The following CAPZB variants were observed in gnomAD, a reference collection of about 807,000 sequenced individuals.
CAPZB encodes the protein F-actin-capping protein subunit beta.
CAPZB carries 2 observed loss-of-function variants against 38.1 expected under a neutral mutation model. That is an observed-to-expected ratio of 0.05 (90% confidence interval 0.02 to 0.17). The LOEUF (loss-of-function observed/expected upper bound fraction) is 0.17, where lower values mean the gene tolerates loss of function less well. Among genes scored for constraint, CAPZB ranks in the 10% least tolerant of loss-of-function variants. The probability of loss-of-function intolerance (pLI) is 1.00; values close to 1 mark genes in which losing one functional copy is unlikely to be tolerated. For missense variants in CAPZB, 161 were observed against 334.2 expected, an observed-to-expected ratio of 0.48 and a Z score of 4.04; for synonymous variants, 107 against 127.4, an observed-to-expected ratio of 0.84 and a Z score of 1.08.
chr1:19,429,443 T>C (rs1332060914), intron 1 of CAPZB, among the ~76,000 whole-genome samples: 1 of 152,196 alleles, frequency 6.6e-6, no homozygotes, highest in African/African-American at 2.4e-5. Context: ...AGAGATACGA[T>C]ATACTAATAA....
At chr1:19,461,595 A>G (rs2094552123) in intron 1 of CAPZB, among the ~76,000 whole-genome samples, 1 of 152,230 alleles carries the variant, frequency 6.6e-6, no homozygotes, top group South Asian at 2.1e-4. Flanking sequence ...TGCCCCCTTG[A>G]CTTGAGCACT....
chr1:19,342,907 A>G, intron 8 of CAPZB: 1 of 1,230,382 alleles, frequency 8.1e-7, no homozygotes, highest in Non-Finnish European at 1.2e-6. Flanking sequence ...AGGGAAGAGA[A>G]CGACGAGAAG....
intron 4 of CAPZB, among the ~76,000 whole-genome samples, chr1:19,375,154 T>C (rs865997639): frequency 1.3e-5 from 2 of 152,196 alleles, no homozygotes; most frequent in Non-Finnish European, 2.9e-5. Context: ...ATGAGCAATG[T>C]ACCACAATGT....
intron 1 of CAPZB, among the ~76,000 whole-genome samples, chr1:19,463,289 T>C (rs1034551128): frequency 1.3e-5 from 2 of 152,148 alleles, no homozygotes; most frequent in Admixed American, 6.5e-5. Context: ...AACACCTCAC[T>C]TGTGCCGCTC....
intron 1 of CAPZB, among the ~76,000 whole-genome samples, chr1:19,460,072 G>GA (rs937152797): frequency 2.7e-4 from 41 of 151,492 alleles, no homozygotes; most frequent in African/African-American, 8.2e-4. Context: ...AATAAGGAAC[G>GA]AAAAAAAACT....
chr1:19,474,539 T>C (rs2094600320), intron 1 of CAPZB, among the ~76,000 whole-genome samples: 1 of 152,128 alleles, frequency 6.6e-6, no homozygotes, highest in African/African-American at 2.4e-5. Context: ...TTCTTAAACC[T>C]AAACCCTGAC....
chr1:19,434,609 C>T (rs2094452238), intron 1 of CAPZB, among the ~76,000 whole-genome samples: 1 of 150,730 alleles, frequency 6.6e-6, no homozygotes, highest in Admixed American at 6.6e-5. Context: ...TCTTCTTATA[C>T]AGAACTTCAT....
intron 8 of CAPZB, chr1:19,342,679 G>GACC: frequency 1.1e-6 from 1 of 929,010 alleles, no homozygotes; most frequent in Non-Finnish European, 1.8e-6. Context: ...GCAGCAGCCG[G>GACC]ACCGGCAGGG....
intron 2 of CAPZB, among the ~76,000 whole-genome samples, chr1:19,395,027 A>G (rs1337755195): frequency 6.6e-6 from 1 of 152,172 alleles, no homozygotes; most frequent in East Asian, 1.9e-4. Flanking sequence ...AGGTGCTTTC[A>G]CCAAACTGTA....
chr1:19,347,005 T>A (rs1281955916), intron 6 of CAPZB, among the ~76,000 whole-genome samples: 9 of 151,130 alleles, frequency 6.0e-5, no homozygotes, highest in African/African-American at 1.2e-4. Context: ...TATTTTTATT[T>A]TTATTTTTTA....
intron 6 of CAPZB, among the ~76,000 whole-genome samples, chr1:19,346,256 TAATC>T (rs541895565): frequency 8.0e-4 from 122 of 151,714 alleles, no homozygotes; most frequent in African/African-American, 2.8e-3. Flanking sequence ...CTGAAATAAA[TAATC>T]AAGAAAGAGG....
intron 2 of CAPZB, among the ~76,000 whole-genome samples, chr1:19,409,418 C>T (rs1207127721): frequency 6.6e-6 from 1 of 152,110 alleles, no homozygotes; most frequent in African/African-American, 2.4e-5. Flanking sequence ...CATCCCATCT[C>T]GGTTTATTTT....
At chr1:19,431,162 C>T (rs752444837) in intron 1 of CAPZB, among the ~76,000 whole-genome samples, 4 of 152,160 alleles carry the variant, frequency 2.6e-5, no homozygotes, top group Non-Finnish European at 2.9e-5. Context: ...CACAGTTTAG[C>T]GCTTCTGCTT....
intron 4 of CAPZB, among the ~76,000 whole-genome samples, chr1:19,364,264 T>C (rs214307): frequency 0.45 from 68,918 of 152,108 alleles, 15,877 homozygotes; most frequent in East Asian, 0.56. Flanking sequence ...GTCCTCCCAG[T>C]TCTGACATTC....
chr1:19,453,472 G>T (rs2094523271), intron 1 of CAPZB, among the ~76,000 whole-genome samples: 2 of 151,904 alleles, frequency 1.3e-5, no homozygotes, highest in African/African-American at 4.8e-5. Context: ...TGTTGGCCAG[G>T]CTGGACTCGA....
chr1:19,443,164 A>ACGGC (rs1314746637), intron 1 of CAPZB, among the ~76,000 whole-genome samples: 1 of 151,744 alleles, frequency 6.6e-6, no homozygotes, highest in African/African-American at 2.4e-5. Flanking sequence ...AGCTGGGAGG[A>ACGGC]TGGCTTGAGC....
chr1:19,448,770 C>T (rs1314122833), intron 1 of CAPZB: 11 of 1,597,228 alleles, frequency 6.9e-6, no homozygotes, highest in Non-Finnish European at 9.4e-6. Context: ...GTTAACATTT[C>T]AACCCTGATG....
At position 19,378,611 on chromosome 1, in the gene CAPZB, C is replaced by T. The variant is rs1266009535; in HGVS notation, c.258G>A (p.Gly86=). Residue 86 remains glycine, a synonymous_variant, in exon 4 of 9, where the codon GGG becomes GGA. Coordinates refer to ENST00000264202, the MANE Select transcript of CAPZB (RefSeq NM_004930.5). ...TTCTCAGCCGAGCTGACGGCATGGC[C>T]CCATCCTCCAAGGGAGGGTCATACT... ...SNKYDPPLED[G]AMPSARLRKL... 1.2e-6 allele frequency: 2 copies of T among 1,613,342 alleles called. No homozygotes were observed. The highest frequency in any genetic ancestry group is 8.5e-7 in the Non-Finnish European group (1 of 1,179,274).
intron 6 of CAPZB, among the ~76,000 whole-genome samples, 185 bp from the exon 7 acceptor site, chr1:19,345,437 A>G (rs74056803): frequency 0.017 from 2,545 of 152,356 alleles, 82 homozygotes; most frequent in African/African-American, 0.058. Context: ...GTTTCAGACC[A>G]TAAAGAGCCC....
Sources: gnomAD v4.1 joint callset for allele counts (sites outside exome capture counted in the v4.1 genomes callset) on GRCh38, gnomAD v4.1.1 for gene constraint, MANE v1.5 for transcripts, NCBI Gene and HGNC (gene_info 2026-07-23, HGNC 2026-07-21) for gene names.